TCERG1L: variants seen among roughly 807,000 people sequenced by gnomAD.
TCERG1L encodes the protein transcription elongation regulator 1 like.
A neutral mutation model predicts 56.3 loss-of-function variants in TCERG1L; 37 were observed. The observed-to-expected ratio is 0.66, with a 90% CI of 0.51 to 0.87. The LOEUF is 0.87. Ranked by LOEUF, TCERG1L falls within the 40% of genes least tolerant of loss-of-function variation. The probability of loss-of-function intolerance (pLI) is 0.00; values close to 1 mark genes in which losing one functional copy is unlikely to be tolerated. For synonymous variants in TCERG1L, 324 were observed against 326.3 expected, an observed-to-expected ratio of 0.99 and a Z score of 0.08; for missense variants, 799 against 774.2, an observed-to-expected ratio of 1.03 and a Z score of -0.38.
chr10:131,096,331 A>G (rs576177346), intron 11 of TCERG1L, among the ~76,000 whole-genome samples: 1 of 152,352 alleles, frequency 6.6e-6, no homozygotes, highest in Non-Finnish European at 1.5e-5. Context: ...CCATGGCTAG[A>G]ACCCAGCATT....
At chr10:131,123,834 G>A (rs569759664) in intron 8 of TCERG1L, among the ~76,000 whole-genome samples, 46 of 152,286 alleles carry the variant, frequency 3.0e-4, no homozygotes, top group African/African-American at 9.9e-4. Flanking sequence ...CCACGGAGCC[G>A]AGACCCTGCC....
chr10:131,227,486 G>A (rs1294315844), intron 4 of TCERG1L, among the ~76,000 whole-genome samples: 2 of 152,174 alleles, frequency 1.3e-5, no homozygotes, highest in African/African-American at 2.4e-5. Context: ...CCGCCTCCCC[G>A]CTTCCCCGCA....
intron 3 of TCERG1L, among the ~76,000 whole-genome samples, chr10:131,284,279 AAATT>A (rs1462738639): frequency 6.6e-5 from 10 of 152,162 alleles, no homozygotes; most frequent in African/African-American, 2.4e-5. Context: ...CATACATTAG[AAATT>A]AATTGAATGG....
rs140543901 is a variant in TCERG1L at position 131,159,765 on chromosome 10, G to A, written c.1034+3357C>T. Reference sequence around the variant, plus strand: ...GAGAGTGTGCTGTTCCCAGGCCTGCGTGCATCATGCTGCCATTAGTGAGGA... The same window carrying A: ...GAGAGTGTGCTGTTCCCAGGCCTGCATGCATCATGCTGCCATTAGTGAGGA... On this transcript the variant is annotated intron_variant, in intron 6 of 11. Transcript: ENST00000368642. Among the ~76,000 whole-genome samples, 238 of 152,220 alleles carry A rather than the reference G, an allele frequency of 1.6e-3. 2 individuals are homozygous for A. Among genetic ancestry groups the A allele is most frequent in the African/African-American group, 5.0e-3 (209 of 41,544 alleles).
intron 4 of TCERG1L, among the ~76,000 whole-genome samples, chr10:131,236,238 C>A (rs1183197285): frequency 2.6e-5 from 4 of 152,262 alleles, no homozygotes; most frequent in African/African-American, 7.2e-5. Context: ...ATGCTCCAAC[C>A]TGTGATCTAT....
intron 4 of TCERG1L, among the ~76,000 whole-genome samples, chr10:131,195,197 T>C (rs1447396468): frequency 6.6e-6 from 1 of 152,222 alleles, no homozygotes; most frequent in Admixed American, 6.5e-5. Flanking sequence ...TGAGATCATC[T>C]TAGCAGGCAC....
intron 10 of TCERG1L, 98 bp from the exon 11 acceptor site, chr10:131,098,522 T>C (rs770164671): frequency 4.2e-6 from 6 of 1,417,600 alleles, no homozygotes; most frequent in South Asian, 1.4e-5. Context: ...CAAGAATCTA[T>C]GGCAAAAGCT....
intron 4 of TCERG1L, among the ~76,000 whole-genome samples, chr10:131,195,541 C>G (rs1033575156): frequency 6.6e-6 from 1 of 152,212 alleles, no homozygotes; most frequent in Non-Finnish European, 1.5e-5. Context: ...TCCCCCTCCC[C>G]TGTACCCCGA....
intron 4 of TCERG1L, among the ~76,000 whole-genome samples, chr10:131,177,548 G>A (rs1845116274): frequency 1.3e-5 from 2 of 152,256 alleles, no homozygotes; most frequent in Admixed American, 6.5e-5. Flanking sequence ...GGCCATTGCA[G>A]TGTCCCGAAG....
At chr10:131,296,915 T>C (rs372428695) in intron 3 of TCERG1L, among the ~76,000 whole-genome samples, 6 of 152,340 alleles carry the variant, frequency 3.9e-5, no homozygotes, top group African/African-American at 1.4e-4. Flanking sequence ...AGGGGTACAA[T>C]TGAATTTTGT....
intron 10 of TCERG1L, among the ~76,000 whole-genome samples, chr10:131,101,651 G>T (rs1845305196): frequency 6.6e-6 from 1 of 152,070 alleles, no homozygotes; most frequent in Non-Finnish European, 1.5e-5. Context: ...GCCCTCCAGT[G>T]ATTCTGTCAC....
intron 4 of TCERG1L, 139 bp from the exon 5 acceptor site, chr10:131,167,024 G>A: frequency 1.4e-6 from 1 of 708,228 alleles, no homozygotes. Flanking sequence ...AGGTGGCATT[G>A]CCCTGTCCTT....
At chr10:131,283,500 G>A (rs534738481) in intron 3 of TCERG1L, among the ~76,000 whole-genome samples, 15 of 151,982 alleles carry the variant, frequency 9.9e-5, no homozygotes, top group African/African-American at 3.1e-4. Flanking sequence ...AAAGAACACC[G>A]GATAAAGGAA....
At chr10:131,226,838 A>C (rs1845795131) in intron 4 of TCERG1L, among the ~76,000 whole-genome samples, 1 of 152,270 alleles carries the variant, frequency 6.6e-6, no homozygotes, top group South Asian at 2.1e-4. Context: ...CTGTATTTTC[A>C]TGTTTGTGTA....
intron 4 of TCERG1L, among the ~76,000 whole-genome samples, chr10:131,248,426 A>G (rs1318675966): frequency 1.3e-5 from 2 of 152,128 alleles, no homozygotes; most frequent in African/African-American, 4.8e-5. Context: ...AGGTTAAGTC[A>G]CAAAGCACAC....
chr10:131,276,994 G>A (rs1340279306), intron 3 of TCERG1L, among the ~76,000 whole-genome samples: 1 of 152,232 alleles, frequency 6.6e-6, no homozygotes, highest in Non-Finnish European at 1.5e-5. Context: ...TGTAGCTGCT[G>A]TTGAGTTGTC....
rs1845200768 is a variant in TCERG1L, at chr10:131,093,306, C to T, written c.1617G>A (p.Lys539=). The part of the protein sequence containing the change: ...ESKVSPRTTF[K]EFAEKYGRDQ... ...CCCGGCCGTATTTCTCTGCAAACTCCTTAAACGTGGTCCTGAAAAAGAAAG... is the reference window on the plus strand; with the variant it reads ...CCCGGCCGTATTTCTCTGCAAACTCTTTAAACGTGGTCCTGAAAAAGAAAG... The change falls in exon 12 of 12, where the codon AAG becomes AAA. Residue 539 remains lysine, a synonymous_variant. Coordinates refer to ENST00000368642, the MANE Select transcript of TCERG1L (RefSeq NM_174937.4). 2 of 1,613,126 alleles carry T rather than the reference C, an allele frequency of 1.2e-6. No individual in the cohort carries two copies. The highest frequency in any genetic ancestry group is 1.7e-6 in the Non-Finnish European group (2 of 1,179,686).
intron 4 of TCERG1L, among the ~76,000 whole-genome samples, chr10:131,246,570 T>G (rs565191724): frequency 6.6e-6 from 1 of 151,898 alleles, no homozygotes; most frequent in Admixed American, 6.6e-5. Context: ...GAGGACAAGT[T>G]AGGGGCTTGT....
chr10:131,168,412 C>T (rs73394551), intron 4 of TCERG1L, among the ~76,000 whole-genome samples: 1,702 of 152,296 alleles, frequency 0.011, 35 homozygotes, highest in African/African-American at 0.038. Flanking sequence ...GTCTGGCTTG[C>T]GGCTGCAGAG....
Sources: gnomAD v4.1 joint callset for allele counts (sites outside exome capture counted in the v4.1 genomes callset) on GRCh38, gnomAD v4.1.1 for gene constraint, MANE v1.5 for transcripts, NCBI Gene and HGNC (gene_info 2026-07-23, HGNC 2026-07-21) for gene names.